Variants in NR2C2 observed in about 807,000 individuals in gnomAD.
NR2C2 encodes Nuclear hormone receptor TR4.
In NR2C2, 6 loss-of-function variants were observed where a neutral mutation model predicts 62.9. The observed-to-expected ratio is 0.10, with a 90% CI of 0.05 to 0.19. NR2C2 has a LOEUF of 0.19. Among genes scored for constraint, NR2C2 ranks in the 10% least tolerant of loss-of-function variants. The probability of loss-of-function intolerance (pLI) is 1.00; values close to 1 mark genes in which losing one functional copy is unlikely to be tolerated. For synonymous variants in NR2C2, 272 were observed against 273.8 expected, an observed-to-expected ratio of 0.99 and a Z score of 0.07; for missense variants, 479 against 762.7, an observed-to-expected ratio of 0.63 and a Z score of 4.38.
chr3:15,021,267 C>G (rs1214219120), intron 5 of NR2C2, among the ~76,000 whole-genome samples: 1 of 152,168 alleles, frequency 6.6e-6, no homozygotes, highest in Non-Finnish European at 1.5e-5. Context: ...TGAGGATACA[C>G]GTAGCCTCTC....
chr3:15,009,996 A>T (rs906344352), intron 2 of NR2C2, among the ~76,000 whole-genome samples: 9 of 152,188 alleles, frequency 5.9e-5, no homozygotes, highest in Admixed American at 2.6e-4. Context: ...ATGCAGTATT[A>T]CCTCATCTTA....
intron 1 of NR2C2, among the ~76,000 whole-genome samples, chr3:14,999,416 A>G (rs1353343979): frequency 2.6e-5 from 4 of 152,066 alleles, no homozygotes; most frequent in Non-Finnish European, 4.4e-5. Flanking sequence ...GCTTGGGCCC[A>G]GGAGGATGAG....
chr3:14,971,273 A>G (rs1038168492), intron 1 of NR2C2, among the ~76,000 whole-genome samples: 3 of 151,432 alleles, frequency 2.0e-5, no homozygotes, highest in Non-Finnish European at 2.9e-5. Flanking sequence ...ACCCACCATC[A>G]TGCCCTGCTA....
Position 15,045,070 on chromosome 3 carries a change from A to G in NR2C2, c.*2062A>G, listed in dbSNP as rs2042403655. On this transcript the variant is annotated 3_prime_UTR_variant, in exon 14 of 14. Transcript: ENST00000425241. ...CTGATGTGTTTTCAGTTTCAAAATTAAGACAAAAAACCAGCTGAGACAATG... is the reference window on the plus strand; with the variant it reads ...CTGATGTGTTTTCAGTTTCAAAATTGAGACAAAAAACCAGCTGAGACAATG... 6.6e-6 allele frequency: 1 copy of G among 152,252 alleles called. No homozygotes were observed. The highest frequency in any genetic ancestry group is 2.4e-5 in the African/African-American group (1 of 41,472). The allele number at this position is 152,252 out of a possible 1,614,324, so 9.4% of individuals were successfully genotyped here.
At chr3:14,948,651 C>G (rs999676263) in intron 1 of NR2C2, 11 of 153,076 alleles carry the variant, frequency 7.2e-5, no homozygotes, top group Admixed American at 3.9e-4. Flanking sequence ...GGCGCCTGGT[C>G]TTGGGTCAGC....
chr3:15,031,370 A>ATT (rs34302514), intron 9 of NR2C2, among the ~76,000 whole-genome samples: 1 of 145,712 alleles, frequency 6.9e-6, no homozygotes. Flanking sequence ...TTCCCCCAGT[A>ATT]TTTTTTTTTT....
chr3:15,043,362 A>G lies in NR2C2; in HGVS notation c.*354A>G, dbSNP rs648912. The G allele has an allele frequency of 0.048, 7,509 of 156,624 alleles. 220 individuals carry two copies. The highest frequency in any genetic ancestry group is 0.082 in the Middle Eastern group (25 of 306). 9.7% of individuals were successfully genotyped at this position (156,624 alleles called of 1,614,324 possible). A position where few individuals can be genotyped will look rare whatever the true frequency, so the allele number is the denominator to read the frequency against. On this transcript the variant is annotated 3_prime_UTR_variant, in exon 14 of 14. Transcript: ENST00000425241. Reference sequence around the variant, plus strand: ...GAACCTGAGAGAATAGTATGTGTGTATATATATATATAAAAAAGTCCTTGG... The same window carrying G: ...GAACCTGAGAGAATAGTATGTGTGTGTATATATATATAAAAAAGTCCTTGG...
intron 1 of NR2C2, among the ~76,000 whole-genome samples, chr3:14,972,145 TTCTC>T (rs1251242746): frequency 6.6e-6 from 1 of 150,976 alleles, no homozygotes; most frequent in African/African-American, 2.4e-5. Context: ...AAAGTTCTCA[TTCTC>T]TCTCTTTTTT....
intron 12 of NR2C2, 55 bp from the exon 13 acceptor site, chr3:15,039,067 A>G: frequency 3.1e-6 from 4 of 1,304,384 alleles, no homozygotes; most frequent in Non-Finnish European, 4.4e-6. Flanking sequence ...GAAGTCTACA[A>G]GTGAGACTTT....
chr3:14,965,533 A>AG (rs1159319343), intron 1 of NR2C2, among the ~76,000 whole-genome samples: 1 of 119,328 alleles, frequency 8.4e-6, no homozygotes, highest in East Asian at 1.9e-4. Flanking sequence ...AAAAAAAAAA[A>AG]AAAAAAAAAA....
chr3:14,963,235 G>A (rs1011079351), intron 1 of NR2C2, among the ~76,000 whole-genome samples: 2 of 152,206 alleles, frequency 1.3e-5, no homozygotes, highest in South Asian at 2.1e-4. Flanking sequence ...CATTCATTCT[G>A]TACCATGCCC....
chr3:14,995,957 A>G (rs1411667453), intron 1 of NR2C2, among the ~76,000 whole-genome samples: 1 of 152,038 alleles, frequency 6.6e-6, no homozygotes, highest in Non-Finnish European at 1.5e-5. Flanking sequence ...CTTATTGGCC[A>G]TTTTGTATAT....
At position 15,046,397 on chromosome 3, in the gene NR2C2, A is replaced by G. The variant is rs964322643; in HGVS notation, c.*3389A>G. ...TCAAGGCAATATCCACGCTACACAC[A>G]TACTTATTAGCTGTCTTACTTGTTT... On this transcript the variant is annotated 3_prime_UTR_variant, in exon 14 of 14. Transcript: ENST00000425241. 1.1e-4 allele frequency: 16 copies of G among 152,256 alleles called. No homozygotes were observed. Among genetic ancestry groups the G allele is most frequent in the African/African-American group, 3.9e-4 (16 of 41,472 alleles). 9.4% of individuals were successfully genotyped at this position (152,256 alleles called of 1,614,324 possible). A position where few individuals can be genotyped will look rare whatever the true frequency, so the allele number is the denominator to read the frequency against.
intron 2 of NR2C2, 70 bp from the exon 3 acceptor site, chr3:15,013,519 T>A: frequency 7.0e-7 from 1 of 1,424,610 alleles, no homozygotes; most frequent in Non-Finnish European, 9.8e-7. Flanking sequence ...GTCACCACTT[T>A]GAGCACCACC....
intron 1 of NR2C2, among the ~76,000 whole-genome samples, chr3:14,979,364 T>C (rs2040297629): frequency 6.6e-6 from 1 of 152,254 alleles, no homozygotes; most frequent in Admixed American, 6.5e-5. Context: ...AGCAACTGTT[T>C]AAGGAGTGCT....
intron 1 of NR2C2, chr3:14,959,757 A>G (rs1476190744): frequency 6.6e-6 from 1 of 152,242 alleles, no homozygotes; most frequent in Non-Finnish European, 1.5e-5. Context: ...CACTTGTCCT[A>G]TCAGAGAGCA....
intron 1 of NR2C2, among the ~76,000 whole-genome samples, chr3:14,950,338 T>G (rs2039315390): frequency 6.6e-6 from 1 of 152,184 alleles, no homozygotes; most frequent in South Asian, 2.1e-4. Flanking sequence ...TTTACAGAAC[T>G]CTCTTACAGG....
At chr3:15,004,830 A>C (rs1275737865) in intron 2 of NR2C2, among the ~76,000 whole-genome samples, 1 of 152,212 alleles carries the variant, frequency 6.6e-6, no homozygotes, top group Non-Finnish European at 1.5e-5. Flanking sequence ...TTTTTGGAGA[A>C]TTAACCCTTT....
chr3:14,985,748 G>A lies in NR2C2; in HGVS notation c.-39-18128G>A, dbSNP rs76568889. Among the ~76,000 whole-genome samples, 781 of 152,182 alleles carry A rather than the reference G, an allele frequency of 5.1e-3. 11 individuals are homozygous for A. The highest frequency in any genetic ancestry group is 6.8e-3 in the Non-Finnish European group (463 of 67,978). Reference sequence around the variant, plus strand: ...CTACTCCTCTAAGATGTGCATTTAAGTTTGCACATTGAAGTATTTTCCAAT... The same window carrying A: ...CTACTCCTCTAAGATGTGCATTTAAATTTGCACATTGAAGTATTTTCCAAT... On this transcript the variant is annotated intron_variant, in intron 1 of 13. Transcript: ENST00000425241.
Sources: allele counts gnomAD v4.1 joint callset (sites outside exome capture counted in the v4.1 genomes callset), GRCh38; gene constraint gnomAD v4.1.1; transcripts MANE v1.5; gene names NCBI Gene and HGNC (gene_info 2026-07-23, HGNC 2026-07-21).